Variants in IFT74 observed in about 807,000 individuals in gnomAD.
The protein encoded by IFT74 is intraflagellar transport protein 74 homolog.
A neutral mutation model predicts 96.7 loss-of-function variants in IFT74; 92 were observed. The observed-to-expected ratio is 0.95, with a 90% CI of 0.80 to 1.13. The LOEUF is 1.13. Among genes scored for constraint, IFT74 ranks in the 50% most tolerant of loss-of-function variants. IFT74 has a pLI of 0.00. For missense variants in IFT74, 811 were observed against 698.2 expected (o/e 1.16, Z -1.82); for synonymous variants, 223 against 213.2 (o/e 1.05, Z -0.40).
chr9:26,971,867 T>C (rs190909790), intron 2 of IFT74, among the ~76,000 whole-genome samples: 105 of 152,362 alleles, frequency 6.9e-4, no homozygotes, highest in African/African-American at 2.4e-3. Context: ...TAGTTCCTTC[T>C]TGGTTCTGCA....
chr9:26,976,485 C>G, intron 2 of IFT74: 1 of 283,574 alleles, frequency 3.5e-6, no homozygotes, highest in Non-Finnish European at 7.0e-6. Context: ...ACTGCACAAT[C>G]TAAACTAGAC....
chr9:27,019,823 T>A (rs1249991276), intron 12 of IFT74, among the ~76,000 whole-genome samples: 1 of 152,114 alleles, frequency 6.6e-6, no homozygotes, highest in Non-Finnish European at 1.5e-5. Flanking sequence ...CTCATGACTA[T>A]GTTTAACTTT....
intron 8 of IFT74, among the ~76,000 whole-genome samples, chr9:27,007,708 G>A (rs959171610): frequency 6.6e-6 from 1 of 152,174 alleles, no homozygotes; most frequent in Non-Finnish European, 1.5e-5. Flanking sequence ...TAGGGGATAT[G>A]TGGATCCACA....
intron 8 of IFT74, among the ~76,000 whole-genome samples, chr9:27,005,113 A>G (rs2131591714): frequency 6.6e-6 from 1 of 152,214 alleles, no homozygotes; most frequent in East Asian, 1.9e-4. Context: ...TTGTTTCCTT[A>G]TTTAACTATT....
intron 15 of IFT74, among the ~76,000 whole-genome samples, chr9:27,047,840 A>G (rs1819758823): frequency 2.0e-5 from 3 of 152,204 alleles, no homozygotes; most frequent in Non-Finnish European, 2.9e-5. Context: ...TATGAAATGC[A>G]TGCCCCCCTT....
chr9:27,039,158 T>C (rs907883502), intron 13 of IFT74, among the ~76,000 whole-genome samples: 4 of 152,166 alleles, frequency 2.6e-5, no homozygotes, highest in Non-Finnish European at 5.9e-5. Flanking sequence ...ATGAGGGTTA[T>C]CAAGAGAGAA....
At chr9:27,022,527 C>A (rs371855879) in intron 12 of IFT74, among the ~76,000 whole-genome samples, 1 of 151,946 alleles carries the variant, frequency 6.6e-6, no homozygotes, top group South Asian at 2.1e-4. Flanking sequence ...TGTAGTTTTC[C>A]TTGTAGAGGT....
chr9:27,018,030 T>C (rs1309823075), intron 11 of IFT74, among the ~76,000 whole-genome samples: 1 of 152,158 alleles, frequency 6.6e-6, no homozygotes, highest in African/African-American at 2.4e-5. Context: ...CAAAAAGGTA[T>C]TAAATCTAGA....
intron 2 of IFT74, among the ~76,000 whole-genome samples, chr9:26,971,661 C>G (rs1826883877): frequency 6.6e-6 from 1 of 152,232 alleles, no homozygotes; most frequent in South Asian, 2.1e-4. Flanking sequence ...ATTTCCTTGA[C>G]TTGGGAAGGA....
At chr9:26,968,106 T>C (rs1826707963) in intron 2 of IFT74, among the ~76,000 whole-genome samples, 1 of 151,198 alleles carries the variant, frequency 6.6e-6, no homozygotes, top group African/African-American at 2.4e-5. Flanking sequence ...ACTGGTCTTG[T>C]AGAATGAGTT....
intron 1 of IFT74, chr9:26,947,323 G>C (rs1159221196): frequency 2.2e-6 from 1 of 448,970 alleles, no homozygotes; most frequent in Non-Finnish European, 3.9e-6. Context: ...ACGCCGATGC[G>C]GAGCTGAGCT....
At chr9:27,044,115 C>T (rs1020730593) in intron 13 of IFT74, among the ~76,000 whole-genome samples, 6 of 152,190 alleles carry the variant, frequency 3.9e-5, no homozygotes, top group Non-Finnish European at 7.3e-5. Flanking sequence ...ATACCACTCC[C>T]TCAGTTCTTT....
chr9:27,014,844 T>C (rs894773729), intron 10 of IFT74, among the ~76,000 whole-genome samples: 1 of 152,234 alleles, frequency 6.6e-6, no homozygotes, highest in African/African-American at 2.4e-5. Flanking sequence ...CCTGACCTTG[T>C]GATCCACCCG....
intron 1 of IFT74, among the ~76,000 whole-genome samples, chr9:26,961,384 C>T (rs559614514): frequency 2.0e-5 from 3 of 152,200 alleles, no homozygotes; most frequent in Non-Finnish European, 4.4e-5. Context: ...GCCACTGCGC[C>T]TGGCCTCTTG....
intron 2 of IFT74, among the ~76,000 whole-genome samples, chr9:26,972,876 A>C (rs1009777763): frequency 6.6e-6 from 1 of 152,166 alleles, no homozygotes; most frequent in Non-Finnish European, 1.5e-5. Context: ...GTTGGTGGTT[A>C]AGAATATGTA....
At chr9:27,028,399 G>T (rs1204052048) in intron 12 of IFT74, among the ~76,000 whole-genome samples, 2 of 152,126 alleles carry the variant, frequency 1.3e-5, no homozygotes, top group Non-Finnish European at 2.9e-5. Flanking sequence ...TTGGGAGGGG[G>T]TGTGCTGTTT....
rs1037479421 is a variant in IFT74 at position 27,063,571 on chromosome 9, C to G, written c.*835C>G. Among the ~76,000 whole-genome samples, 11 of 152,074 alleles carry G rather than the reference C, an allele frequency of 7.2e-5. No individual in the cohort carries two copies. The highest frequency in any genetic ancestry group is 1.3e-4 in the Admixed American group (2 of 15,262). On this transcript the variant is annotated 3_prime_UTR_variant, in exon 20 of 20. Transcript: ENST00000380062. ...ATTATATTAACTGTAGATGTATCTT[C>G]TCTTATCGTGCAGGAATGAGTCACC...
chr9:27,005,313 A>G (rs768787590), intron 8 of IFT74, among the ~76,000 whole-genome samples: 79 of 148,232 alleles, frequency 5.3e-4, no homozygotes, highest in Non-Finnish European at 1.1e-3. Context: ...ATTTTAAAAT[A>G]AAAATTCTTA....
intron 13 of IFT74, chr9:27,036,764 C>G: frequency 8.5e-7 from 1 of 1,169,620 alleles, no homozygotes; most frequent in Non-Finnish European, 1.1e-6. Context: ...AGTGCTGTCT[C>G]TCAACAAGAA....
Sources: gnomAD v4.1 joint callset for allele counts (sites outside exome capture counted in the v4.1 genomes callset) on GRCh38, gnomAD v4.1.1 for gene constraint, MANE v1.5 for transcripts, NCBI Gene and HGNC (gene_info 2026-07-23, HGNC 2026-07-21) for gene names.